The following USP9Y variants were observed in gnomAD, a reference collection of about 807,000 sequenced individuals.
The protein encoded by USP9Y is ubiquitin carboxyl-terminal hydrolase 9Y.
In USP9Y, 41 loss-of-function variants were observed where a neutral mutation model predicts 53.1. The observed-to-expected ratio is 0.77, with a 90% CI of 0.60 to 1.00. USP9Y has a LOEUF of 1.00. USP9Y is among the 50% of genes least tolerant of loss of function. The probability of loss-of-function intolerance (pLI) is 0.00; values close to 1 mark genes in which losing one functional copy is unlikely to be tolerated. For missense variants in USP9Y, 567 were observed against 535.8 expected (o/e 1.06, Z -0.58); for synonymous variants, 220 against 173.7 (o/e 1.27, Z -2.09).
intron 42 of USP9Y, among the ~76,000 whole-genome samples, chrY:12,851,660 G>A: frequency 3.2e-5 from 1 of 31,242 alleles, no homozygotes. Context: ...GATACCGCTT[G>A]TTCCTTTCCA....
chrY:12,774,465 C>CA (rs771610111), intron 17 of USP9Y, among the ~76,000 whole-genome samples: 18 of 4,923 alleles, frequency 3.7e-3, no homozygotes, highest in East Asian at 0.016. Flanking sequence ...GACTCCGTCT[C>CA]AAAAAAAAAA....
intron 26 of USP9Y, among the ~76,000 whole-genome samples, chrY:12,792,355 A>G (rs765140833): frequency 5.8e-5 from 2 of 34,259 alleles, no homozygotes; most frequent in East Asian, 7.6e-4. Flanking sequence ...ACATTTAGGT[A>G]TTATCACCAG....
intron 12 of USP9Y, 28 bp from the exon 13 acceptor site, chrY:12,757,164 A>G (rs761664330): frequency 5.2e-6 from 2 of 385,544 alleles, no homozygotes; most frequent in African/African-American, 1.3e-4. Context: ...ATTATGTGGT[A>G]TTTATATCAT....
rs2053535883 is a variant in USP9Y at position 12,816,022 on chromosome Y, TG to T, written c.4610-100del. 17 of 239,896 alleles carry T rather than the reference TG, an allele frequency of 7.1e-5. No individual in the cohort carries two copies. In the African/African-American group the frequency reaches 1.3e-3, roughly 18 times the overall value. 59.8% of individuals were successfully genotyped at this position (239,896 alleles called of 400,897 possible). A position where few individuals can be genotyped will look rare whatever the true frequency, so the allele number is the denominator to read the frequency against. On this transcript the variant is annotated intron_variant, in intron 31 of 45. Transcript: ENST00000338981. Reference sequence around the variant, plus strand: ...TTAAAGTACTGTTTCAAAGTGGCTGTGGTGGTGAAGGAGGTGTTGCTATTAT... The same window carrying T: ...TTAAAGTACTGTTTCAAAGTGGCTGTGTGGTGAAGGAGGTGTTGCTATTAT...
intron 10 of USP9Y, among the ~76,000 whole-genome samples, chrY:12,737,657 G>A: frequency 6.0e-5 from 2 of 33,550 alleles, no homozygotes; most frequent in African/African-American, 2.3e-4. Flanking sequence ...GTTCTTGAGA[G>A]ACACCAACAT....
chrY:12,762,370 A>G, intron 15 of USP9Y, among the ~76,000 whole-genome samples: 1 of 33,296 alleles, frequency 3.0e-5, no homozygotes, highest in Non-Finnish European at 7.4e-5. Context: ...CTAATTTCCA[A>G]TTCAGTCAAG....
intron 33 of USP9Y, among the ~76,000 whole-genome samples, chrY:12,826,684 T>C (rs755153275): frequency 7.3e-4 from 8 of 11,021 alleles, no homozygotes; most frequent in Middle Eastern, 0.053. Flanking sequence ...TTTTCAGAAG[T>C]ACTAGAAACC....
At chrY:12,729,372 C>T in intron 7 of USP9Y, among the ~76,000 whole-genome samples, 1 of 34,177 alleles carries the variant, frequency 2.9e-5, no homozygotes, top group East Asian at 7.6e-4. Flanking sequence ...TTGGAGTTCT[C>T]CTCCTTGATC....
At chrY:12,827,788 C>A in intron 33 of USP9Y, among the ~76,000 whole-genome samples, 1 of 32,279 alleles carries the variant, frequency 3.1e-5, no homozygotes, top group Admixed American at 2.9e-4. Flanking sequence ...CATGGTTAAA[C>A]CCATATCTAC....
At chrY:12,725,349 T>G in intron 6 of USP9Y, 124 bp downstream of exon 6, 1 of 155,498 alleles carries the variant, frequency 6.4e-6, no homozygotes, top group Non-Finnish European at 1.2e-5. Context: ...TACTGCATAA[T>G]TGAAGGTTAG....
intron 3 of USP9Y, among the ~76,000 whole-genome samples, chrY:12,716,888 G>A: frequency 5.9e-5 from 2 of 34,084 alleles, no homozygotes; most frequent in Non-Finnish European, 1.5e-4. Flanking sequence ...GATTACAGGC[G>A]TGAGCCCCCA....
intron 26 of USP9Y, 72 bp downstream of exon 26, chrY:12,791,696 T>C: frequency 3.5e-6 from 1 of 282,773 alleles, no homozygotes; most frequent in Non-Finnish European, 5.2e-6. Context: ...ATTTTCATCA[T>C]TTCTGTCACC....
intron 12 of USP9Y, among the ~76,000 whole-genome samples, chrY:12,752,579 T>C: frequency 9.0e-5 from 3 of 33,219 alleles, no homozygotes; most frequent in Non-Finnish European, 1.5e-4. Context: ...TTCTTTTTCT[T>C]GCCTCATTAT....
chrY:12,769,438 G>A, intron 15 of USP9Y, among the ~76,000 whole-genome samples: 5 of 33,905 alleles, frequency 1.5e-4, no homozygotes, highest in Non-Finnish European at 2.9e-4. Context: ...AAGTGTGAAC[G>A]TTACAAGGTC....
chrY:12,722,365 TAC>T (rs538692294), intron 5 of USP9Y, among the ~76,000 whole-genome samples, 178 bp downstream of exon 5: 34 of 30,145 alleles, frequency 1.1e-3, no homozygotes, highest in Non-Finnish European at 1.5e-3. Flanking sequence ...ATATACTTAT[TAC>T]ACACACACAC....
At position 12,810,797 on chromosome Y, in the gene USP9Y, T is replaced by C. The variant is rs748807498; in HGVS notation, c.4218T>C (p.Ile1406=). 7.5e-6 allele frequency: 3 copies of C among 398,108 alleles called. No homozygotes were observed. The South Asian group carries it at 8.9e-5, about 12-fold the overall frequency. ...CTGAAGTTCTTCTTGTCAGTGAAAT[T>C]GATTGGCTCAAAAGGATTAGGGTAA... ...PNAEVLLVSE[I]DWLKRIRDNV... The change falls in exon 29 of 46, where the codon ATT becomes ATC. Residue 1406 remains isoleucine, a synonymous_variant. Coordinates refer to ENST00000338981, the MANE Select transcript of USP9Y (RefSeq NM_004654.4).
intron 29 of USP9Y, among the ~76,000 whole-genome samples, chrY:12,811,231 A>G (rs960189098): frequency 5.9e-5 from 2 of 33,735 alleles, no homozygotes; most frequent in Non-Finnish European, 1.5e-4. Flanking sequence ...TCTAAAGTGT[A>G]TGGCTTTGGG....
intron 1 of USP9Y, among the ~76,000 whole-genome samples, chrY:12,705,581 A>C: frequency 3.2e-5 from 1 of 31,160 alleles, no homozygotes; most frequent in East Asian, 8.0e-4. Context: ...TTAATCTGTT[A>C]ATATTGCTTT....
chrY:12,837,109 A>G (rs1025943946), intron 34 of USP9Y, among the ~76,000 whole-genome samples: 11 of 32,420 alleles, frequency 3.4e-4, no homozygotes, highest in Non-Finnish European at 6.0e-4. Context: ...GAGTTGAAGG[A>G]CAGCATAGTC....
Sources: gnomAD v4.1 joint callset for allele counts (sites outside exome capture counted in the v4.1 genomes callset) on GRCh38, gnomAD v4.1.1 for gene constraint, MANE v1.5 for transcripts, NCBI Gene and HGNC (gene_info 2026-07-23, HGNC 2026-07-21) for gene names.